The following CARD10 variants were observed in gnomAD, a reference collection of about 807,000 sequenced individuals.
CARD10 encodes the protein caspase recruitment domain family member 10.
CARD10 carries 49 observed loss-of-function variants against 114.6 expected under a neutral mutation model. The ratio of observed to expected loss-of-function variants is 0.43; its 90% CI spans 0.34 to 0.54. The LOEUF (loss-of-function observed/expected upper bound fraction) is 0.54, where lower values mean the gene tolerates loss of function less well. CARD10 is among the 20% of genes least tolerant of loss of function. The probability of loss-of-function intolerance (pLI) is 0.03; values close to 1 mark genes in which losing one functional copy is unlikely to be tolerated. For synonymous variants in CARD10, 602 were observed against 593.2 expected, an observed-to-expected ratio of 1.01 and a Z score of -0.21; for missense variants, 1,206 against 1,397.2, an observed-to-expected ratio of 0.86 and a Z score of 2.18.
In CARD10 at chr22:37,496,552, C is replaced by T. The variant is rs1445380765; in HGVS notation, c.1956G>A (p.Val652=). 2.5e-6 allele frequency: 4 copies of T among 1,612,448 alleles called. No individual in the cohort carries two copies. In the African/African-American group the frequency reaches 4.0e-5, roughly 16 times the overall value. ...SARMEPREQR[V]EAAGLEGACL... is the part of the protein sequence containing the mutation. ...ACGCCCCCTCCAGACCAGCAGCTTC[C>T]ACCCTTTGCTGGGAGAAAACCCAGG... The change falls in exon 13 of 20, where the codon GTG becomes GTA. Residue 652 remains valine (V), a synonymous_variant. Coordinates refer to ENST00000251973, the MANE Select transcript of CARD10 (RefSeq NM_014550.4). The surrounding 1 kb of genome is among the most constrained non-coding windows in gnomAD (Gnocchi z 4.1).
intron 3 of CARD10, among the ~76,000 whole-genome samples, chr22:37,512,513 ACACAC>A: frequency 6.9e-6 from 1 of 144,454 alleles, no homozygotes; most frequent in African/African-American, 2.7e-5. Context: ...ACACACACAC[ACACAC>A]ACGGGTCTGG....
In CARD10 at chr22:37,510,073, C is replaced by T; in HGVS notation, c.909+139G>A. The T allele has an allele frequency of 2.8e-6, 2 of 706,422 alleles. 1 individual carries two copies. The highest frequency in any genetic ancestry group is 4.7e-6 in the Non-Finnish European group (2 of 426,550). The allele number at this position is 706,422 out of a possible 1,614,324, so 43.8% of individuals were successfully genotyped here. A position where few individuals can be genotyped will look rare whatever the true frequency, so the allele number is the denominator to read the frequency against. ...CCTGAGCCCCGCTACCCAGCCTGTG[C>T]CCAGAAGCCCTGGCCCTGCTACCTG... On this transcript the variant is annotated intron_variant, in intron 4 of 19. Transcript: ENST00000251973.
In CARD10 at chr22:37,519,167, C is replaced by T. The variant is rs761227353; in HGVS notation, c.34G>A (p.Glu12Lys). The change falls in exon 1 of 20, where the codon GAG becomes AAG. Residue 12 changes from glutamate to lysine, a missense_variant. Coordinates refer to ENST00000251973, the MANE Select transcript of CARD10 (RefSeq NM_014550.4). The surrounding 1 kb of genome is among the most constrained non-coding windows in gnomAD (Gnocchi z 4.1). ...PGRAEAGEAE[E>K]EAGAGSGSEA... The stretch of plus-strand genomic sequence containing the variant: ...GACCCCGAGCCGGCCCCGGCCTCCT[C>T]CTCGGCCTCCCCCGCCTCCGCCCGG... 3.9e-6 allele frequency: 6 copies of T among 1,537,382 alleles called. No individual in the cohort carries two copies. Among genetic ancestry groups the T allele is most frequent in the Non-Finnish European group, 4.4e-6 (5 of 1,147,542 alleles).
In CARD10 at chr22:37,491,139, G is replaced by C; in HGVS notation, c.*20C>G. ...GGGTCCACGCTGGCTTGGGGAGAAG[G>C]TGCAGGTATCAGATGAGCCTCAGGC... On this transcript the variant is annotated 3_prime_UTR_variant, in exon 20 of 20. Coordinates refer to ENST00000251973, the MANE Select transcript of CARD10 (RefSeq NM_014550.4). 6.5e-7 allele frequency: 1 copy of C among 1,528,186 alleles called. No homozygotes were observed. Among genetic ancestry groups the C allele is most frequent in the Non-Finnish European group, 8.9e-7 (1 of 1,129,080 alleles). 94.7% of individuals were successfully genotyped at this position (1,528,186 alleles called of 1,614,324 possible).
At position 37,502,595 on chromosome 22, in the gene CARD10, A is replaced by G; in HGVS notation, c.1787+7T>C. 4 of 1,613,316 alleles carry G rather than the reference A, an allele frequency of 2.5e-6. No individual in the cohort carries two copies. The highest frequency in any genetic ancestry group is 3.4e-6 in the Non-Finnish European group (4 of 1,179,616). On this transcript the variant is annotated splice_region_variant and intron_variant, in intron 11 of 19. Coordinates refer to ENST00000251973, the MANE Select transcript of CARD10 (RefSeq NM_014550.4). ...CCAGCTCCACCCACTGCAGGCAGCT[A>G]CAGTACCTGTTGAGGAAGTCCAGGC...
At chr22:37,516,809 T>C (rs1234472672) in intron 2 of CARD10, among the ~76,000 whole-genome samples, 3 of 152,230 alleles carry the variant, frequency 2.0e-5, no homozygotes, top group Non-Finnish European at 4.4e-5. Context: ...GTAAGGTAGG[T>C]ACTATTATTG....
At chr22:37,500,493 C>A (rs1036553553) in intron 11 of CARD10, among the ~76,000 whole-genome samples, 4 of 152,182 alleles carry the variant, frequency 2.6e-5, no homozygotes, top group African/African-American at 9.7e-5. Context: ...CCCAGCCCCC[C>A]ACTATCCACC....
rs529693074 is a variant in CARD10, at chr22:37,493,004, C to G, written c.2477-202G>C. ...TGATTCTCTGCCTCATCCCTGCCCC[C>G]TACGGGTCATTCTCCATCCAGCAGC... is the stretch of plus-strand genomic sequence containing the variant. On this transcript the variant is annotated intron_variant, in intron 16 of 19. Coordinates refer to ENST00000251973, the MANE Select transcript of CARD10 (RefSeq NM_014550.4). Among the ~76,000 whole-genome samples, 4 of 152,278 alleles carry G rather than the reference C, an allele frequency of 2.6e-5. No homozygotes were observed. In the East Asian group the frequency reaches 7.7e-4, roughly 29 times the overall value.
intron 11 of CARD10, among the ~76,000 whole-genome samples, chr22:37,499,321 A>G (rs959533629): frequency 6.6e-6 from 1 of 152,078 alleles, no homozygotes; most frequent in South Asian, 2.1e-4. Flanking sequence ...AGGGCCCAGG[A>G]GACACTAAGT....
chr22:37,514,491 A>G (rs542657289), intron 3 of CARD10: 1 of 152,586 alleles, frequency 6.6e-6, no homozygotes, highest in Admixed American at 6.5e-5. Context: ...GATAGCCTCA[A>G]GGTCATCTCA....
At chr22:37,503,998 T>C in intron 9 of CARD10, 188 bp downstream of exon 9, 1 of 713,524 alleles carries the variant, frequency 1.4e-6, no homozygotes. Flanking sequence ...CGGCCTTATC[T>C]TAAGCCTGAC....
chr22:37,496,378 C>G lies in CARD10; in HGVS notation c.2059+71G>C. 1 of 1,156,844 alleles carries G rather than the reference C, an allele frequency of 8.6e-7. No homozygotes were observed. The highest frequency in any genetic ancestry group is 2.1e-5 in the Admixed American group (1 of 47,158). 71.7% of individuals were successfully genotyped at this position (1,156,844 alleles called of 1,614,324 possible). Reference sequence around the variant, plus strand: ...GTCCCTTCTCAGGTCCTTGGTCCCTCCCCACCCCATGCACCACGGGTTAGA... The same window carrying G: ...GTCCCTTCTCAGGTCCTTGGTCCCTGCCCACCCCATGCACCACGGGTTAGA... On this transcript the variant is annotated intron_variant, in intron 13 of 19. Transcript: ENST00000251973. This position sits in a 1 kb window ranked among gnomAD's most constrained non-coding sequence, Gnocchi z 4.1.
intron 11 of CARD10, 85 bp downstream of exon 11, chr22:37,502,517 G>T (rs1159586442): frequency 1.9e-5 from 28 of 1,445,166 alleles, no homozygotes; most frequent in Non-Finnish European, 2.6e-5. Flanking sequence ...TAAAACAGGG[G>T]CGAGGCAATT....
At chr22:37,502,467 G>A in intron 11 of CARD10, 135 bp downstream of exon 11, 1 of 1,016,236 alleles carries the variant, frequency 9.8e-7, no homozygotes, top group Non-Finnish European at 1.4e-6. Context: ...GAATCCAAGG[G>A]CTGCCAGTGT....
chr22:37,511,129 T>G (rs1440907442), intron 3 of CARD10, among the ~76,000 whole-genome samples: 1 of 146,460 alleles, frequency 6.8e-6, no homozygotes, highest in Non-Finnish European at 1.5e-5. Flanking sequence ...CCTAACACTT[T>G]AGAAGGCCGA....
chr22:37,492,534 C>T lies in CARD10; in HGVS notation c.2652G>A (p.Glu884=). Residue 884 remains glutamate (E), a synonymous_variant, in exon 18 of 20, where the codon GAG becomes GAA. Transcript: ENST00000251973. This position sits in a 1 kb window ranked among gnomAD's most constrained non-coding sequence, Gnocchi z 5.7. The part of the protein sequence containing the change: ...QVCPAESLSG[E]ELCPSSAPGA... ...CAGGCGCTGAGGATGGGCACAGTTC[C>T]TCCCCAGAGAGGCTTTCTGCACAGG... 1 of 1,602,876 alleles carries T rather than the reference C, an allele frequency of 6.2e-7. No homozygotes were observed. Among genetic ancestry groups the T allele is most frequent in the Non-Finnish European group, 8.5e-7 (1 of 1,173,496 alleles).
chr22:37,495,209 G>A (rs1448039987), intron 15 of CARD10, among the ~76,000 whole-genome samples: 5 of 152,066 alleles, frequency 3.3e-5, no homozygotes, highest in Non-Finnish European at 7.4e-5. Context: ...CTTGTGATCC[G>A]CCCACCTCGG....
In CARD10 at chr22:37,496,994, C is replaced by A; in HGVS notation, c.1947+25G>T. On this transcript the variant is annotated intron_variant, in intron 12 of 19. Transcript: ENST00000251973. This position sits in a 1 kb window ranked among gnomAD's most constrained non-coding sequence, Gnocchi z 4.1. Reference sequence around the variant, plus strand: ...TGGGCAAAAGCACTGACCCTACCCCCCCAGCTCAGGAGGCAGGGCCTCACC... The same window carrying A: ...TGGGCAAAAGCACTGACCCTACCCCACCAGCTCAGGAGGCAGGGCCTCACC... 6.3e-7 allele frequency: 1 copy of A among 1,581,902 alleles called. No homozygotes were observed. Among genetic ancestry groups the A allele is most frequent in the African/African-American group, 1.4e-5 (1 of 73,932 alleles).
In CARD10 at chr22:37,506,230, C is replaced by A; in HGVS notation, c.1345G>T (p.Val449Phe). 1 of 1,598,130 alleles carries A rather than the reference C, an allele frequency of 6.3e-7. No homozygotes were observed. Among genetic ancestry groups the A allele is most frequent in the East Asian group, 2.3e-5 (1 of 44,048 alleles). ...CCACCCTGGGCCCGCTGCAGCTGAA[C>A]CTCCAGCAGAGCCTTGGTGCCCTCC... Reference protein sequence around the residue: ...SLEGTKALLEVQLQRAQGGTC... With the variant: ...SLEGTKALLEFQLQRAQGGTC... Residue 449 changes from valine (V) to phenylalanine (F), a missense_variant, in exon 7 of 20, where the codon GTT becomes TTT. By Grantham distance (50) the Val-to-Phe change is conservative (BLOSUM62 -1). Coordinates refer to ENST00000251973, the MANE Select transcript of CARD10 (RefSeq NM_014550.4).
Sources: gnomAD v4.1 joint callset for allele counts (sites outside exome capture counted in the v4.1 genomes callset) on GRCh38, gnomAD v4.1.1 for gene constraint, Gnocchi (gnomAD v3.1) non-coding constraint, MANE v1.5 for transcripts, NCBI Gene and HGNC (gene_info 2026-07-23, HGNC 2026-07-21) for gene names.